ASAP1: variants seen among roughly 807,000 people sequenced by gnomAD.
ASAP1 encodes the protein arf-GAP with SH3 domain, ANK repeat and PH domain-containing protein 1.
ASAP1 carries 43 observed loss-of-function variants against 145.2 expected under a neutral mutation model. That is an observed-to-expected ratio of 0.30 (90% CI 0.23 to 0.38). The LOEUF (loss-of-function observed/expected upper bound fraction) is 0.38, where lower values mean the gene tolerates loss of function less well. Among genes scored for constraint, ASAP1 ranks in the 10% least tolerant of loss-of-function variants. ASAP1 has a pLI of 1.00. For missense variants in ASAP1, 1,018 were observed against 1,355.3 expected (o/e 0.75, Z 3.91); for synonymous variants, 546 against 515.5 (o/e 1.06, Z -0.80).
At chr8:130,168,243 G>A (rs147579359) in intron 10 of ASAP1, among the ~76,000 whole-genome samples, 1 of 152,214 alleles carries the variant, frequency 6.6e-6, no homozygotes, top group East Asian at 1.9e-4. Flanking sequence ...ACCCCCAAAT[G>A]ATTTTTGGGC....
chr8:130,367,423 TA>T (rs1241900621), intron 2 of ASAP1, among the ~76,000 whole-genome samples: 1 of 152,258 alleles, frequency 6.6e-6, no homozygotes, highest in Non-Finnish European at 1.5e-5. Flanking sequence ...CAGCTAGATC[TA>T]TTTTTATGAG....
At chr8:130,256,996 T>G (rs980719671) in intron 3 of ASAP1, among the ~76,000 whole-genome samples, 1 of 151,588 alleles carries the variant, frequency 6.6e-6, no homozygotes, top group Non-Finnish European at 1.5e-5. Context: ...AAGCATCATT[T>G]CTTCCCTTTT....
At chr8:130,132,056 G>C (rs925957390) in intron 15 of ASAP1, among the ~76,000 whole-genome samples, 1 of 152,150 alleles carries the variant, frequency 6.6e-6, no homozygotes, top group African/African-American at 2.4e-5. Flanking sequence ...TTTGAGAAAG[G>C]GAAATGAGGA....
chr8:130,426,719 C>T (rs1293122821), intron 1 of ASAP1, among the ~76,000 whole-genome samples: 1 of 152,220 alleles, frequency 6.6e-6, no homozygotes, highest in Non-Finnish European at 1.5e-5. Context: ...TCCCTCAGCT[C>T]CTTTGGGTCT....
chr8:130,146,414 T>C (rs1432823739), intron 13 of ASAP1, among the ~76,000 whole-genome samples: 1 of 152,212 alleles, frequency 6.6e-6, no homozygotes, highest in African/African-American at 2.4e-5. Flanking sequence ...TTGTGAGCTC[T>C]AAATTTGTGA....
At chr8:130,098,853 T>G (rs954937611) in intron 24 of ASAP1, among the ~76,000 whole-genome samples, 5 of 152,126 alleles carry the variant, frequency 3.3e-5, no homozygotes, top group African/African-American at 4.8e-5. Flanking sequence ...CCACAGTCAC[T>G]CTACAGTGTT....
At chr8:130,283,587 GAAAAAAAAA>G (rs71304303) in intron 3 of ASAP1, among the ~76,000 whole-genome samples, 27 of 20,882 alleles carry the variant, frequency 1.3e-3, no homozygotes, top group South Asian at 0.01. Flanking sequence ...ATCACAGAAA[GAAAAAAAAA>G]AAAAAAAAAA....
chr8:130,265,956 C>A (rs1419135661), intron 3 of ASAP1, among the ~76,000 whole-genome samples: 1 of 152,174 alleles, frequency 6.6e-6, no homozygotes, highest in Non-Finnish European at 1.5e-5. Context: ...TGGCTAACAT[C>A]CATAGTGAGT....
chr8:130,184,897 C>G (rs1391969860), intron 7 of ASAP1, among the ~76,000 whole-genome samples: 1 of 152,122 alleles, frequency 6.6e-6, no homozygotes, highest in South Asian at 2.1e-4. Context: ...TATTATTTTA[C>G]AAGTAAGGAT....
chr8:130,141,558 A>T (rs373981458), intron 13 of ASAP1, among the ~76,000 whole-genome samples: 7 of 152,076 alleles, frequency 4.6e-5, no homozygotes, highest in East Asian at 1.9e-4. Context: ...CTCACTAAGG[A>T]CACACACATT....
intron 27 of ASAP1, among the ~76,000 whole-genome samples, chr8:130,075,641 T>C (rs2097460633): frequency 6.6e-6 from 1 of 152,122 alleles, no homozygotes; most frequent in Non-Finnish European, 1.5e-5. Flanking sequence ...AGGTAAGGTA[T>C]GGTAACAACA....
intron 27 of ASAP1, among the ~76,000 whole-genome samples, chr8:130,072,823 G>GCA (rs879754231): frequency 0.027 from 1,962 of 72,660 alleles, 210 homozygotes; most frequent in East Asian, 0.11. Context: ...GTGTGTGTGT[G>GCA]TGCGCGCGGG....
intron 3 of ASAP1, among the ~76,000 whole-genome samples, chr8:130,257,786 ACC>A (rs11392655): frequency 3.8e-4 from 50 of 132,932 alleles, no homozygotes; most frequent in East Asian, 1.9e-3. Context: ...ACTCAAGAGC[ACC>A]CCCCCCCCAT....
intron 5 of ASAP1, among the ~76,000 whole-genome samples, chr8:130,194,417 A>G (rs1215088234): frequency 1.3e-5 from 2 of 152,184 alleles, no homozygotes; most frequent in Non-Finnish European, 2.9e-5. Context: ...GATCTCAAAG[A>G]ACAGAAAACC....
intron 27 of ASAP1, among the ~76,000 whole-genome samples, chr8:130,072,824 T>TGTGTGTGCGCGCACGCGCGC: frequency 3.1e-5 from 1 of 32,282 alleles, no homozygotes; most frequent in Admixed American, 3.6e-4. Flanking sequence ...TGTGTGTGTG[T>TGTGTGTGCGCGCACGCGCGC]GCGCGCGGGG....
intron 1 of ASAP1, among the ~76,000 whole-genome samples, chr8:130,425,199 G>A (rs1199660106): frequency 6.6e-6 from 1 of 151,790 alleles, no homozygotes; most frequent in Non-Finnish European, 1.5e-5. Flanking sequence ...GGGCATGGTA[G>A]CAGGCACCTG....
intron 1 of ASAP1, among the ~76,000 whole-genome samples, chr8:130,433,416 T>C (rs1830204972): frequency 6.6e-6 from 1 of 152,204 alleles, no homozygotes. Context: ...CAGACACCTC[T>C]TTCACAAAGC....
rs1426333352 is a variant in ASAP1, at chr8:130,244,301, G to A, written c.187-7307C>T. The stretch of plus-strand genomic sequence containing the variant: ...TCAGTTAAACTGGCCTGAGTACTAT[G>A]TGAATATGAACTCCTTGTTGCCTTG... On this transcript the variant is annotated intron_variant, in intron 3 of 29. Transcript: ENST00000518721. 2.6e-5 allele frequency among the ~76,000 whole-genome samples: 4 copies of A among 152,262 alleles called. No homozygotes were observed. In the East Asian group the frequency reaches 5.8e-4, roughly 22 times the overall value.
chr8:130,276,233 G>A (rs982660331), intron 3 of ASAP1, among the ~76,000 whole-genome samples: 2 of 152,124 alleles, frequency 1.3e-5, no homozygotes, highest in Non-Finnish European at 2.9e-5. Context: ...AAGAAGGCTG[G>A]GGGGCACTGG....
Sources: allele counts gnomAD v4.1 joint callset (sites outside exome capture counted in the v4.1 genomes callset), GRCh38; gene constraint gnomAD v4.1.1; transcripts MANE v1.5; gene names NCBI Gene and HGNC (gene_info 2026-07-23, HGNC 2026-07-21).